The following MACROD2 variants were observed in gnomAD, a reference collection of about 807,000 sequenced individuals.
MACROD2 encodes the protein ADP-ribose glycohydrolase MACROD2.
MACROD2 carries 36 observed loss-of-function variants against 70.4 expected under a neutral mutation model. That is an observed-to-expected ratio of 0.51 (90% CI 0.39 to 0.68). MACROD2 has a LOEUF of 0.68. Among genes scored for constraint, MACROD2 ranks in the 30% least tolerant of loss-of-function variants. The probability of loss-of-function intolerance (pLI) is 0.00; values close to 1 mark genes in which losing one functional copy is unlikely to be tolerated. For missense variants in MACROD2, 496 were observed against 538.4 expected (o/e 0.92, Z 0.78); for synonymous variants, 172 against 178.8 (o/e 0.96, Z 0.30).
At chr20:15,895,403 A>G (rs1022965876) in intron 10 of MACROD2, among the ~76,000 whole-genome samples, 1 of 152,230 alleles carries the variant, frequency 6.6e-6, no homozygotes, top group South Asian at 2.1e-4. Flanking sequence ...GGAATTGTTC[A>G]TTTGTTCCTA....
intron 6 of MACROD2, among the ~76,000 whole-genome samples, chr20:15,402,195 C>T (rs1204335758): frequency 1.3e-5 from 2 of 152,216 alleles, no homozygotes; most frequent in Middle Eastern, 3.4e-3. Flanking sequence ...CTGGGGTTCT[C>T]TTCAATGGGC....
intron 7 of MACROD2, among the ~76,000 whole-genome samples, chr20:15,474,261 G>A (rs1304257608): frequency 3.3e-5 from 5 of 151,996 alleles, no homozygotes; most frequent in Non-Finnish European, 5.9e-5. Context: ...TTTCCAAATT[G>A]TATTTCTATT....
At chr20:15,992,555 G>A (rs1334871475) in intron 15 of MACROD2, among the ~76,000 whole-genome samples, 1 of 152,108 alleles carries the variant, frequency 6.6e-6, no homozygotes, top group Non-Finnish European at 1.5e-5. Context: ...GAATGTTAGG[G>A]TCAATACTTG....
chr20:15,699,709 C>T (rs367628371), intron 8 of MACROD2, among the ~76,000 whole-genome samples: 26 of 152,328 alleles, frequency 1.7e-4, no homozygotes, highest in African/African-American at 6.3e-4. Context: ...TTTAGTTCTT[C>T]CCTCCTCCAC....
chr20:15,229,775 A>G (rs547011342), intron 5 of MACROD2, among the ~76,000 whole-genome samples, 165 bp from the exon 6 acceptor site: 1 of 152,308 alleles, frequency 6.6e-6, no homozygotes, highest in East Asian at 1.9e-4. Flanking sequence ...AGGTTGTGCT[A>G]CTTAAGATCT....
chr20:14,911,347 C>T (rs537081983), intron 5 of MACROD2, among the ~76,000 whole-genome samples: 11 of 152,072 alleles, frequency 7.2e-5, no homozygotes, highest in African/African-American at 2.7e-4. Context: ...TTTTGTATAG[C>T]TATCAATGGC....
At chr20:14,131,731 T>C (rs953233278) in intron 3 of MACROD2, among the ~76,000 whole-genome samples, 2 of 152,118 alleles carry the variant, frequency 1.3e-5, no homozygotes, top group Non-Finnish European at 2.9e-5. Context: ...CTTTTTTAAT[T>C]TAAAAAATTT....
chr20:15,776,285 C>G (rs1182066056), intron 8 of MACROD2, among the ~76,000 whole-genome samples: 2 of 152,108 alleles, frequency 1.3e-5, no homozygotes, highest in African/African-American at 2.4e-5. Context: ...CTTGACACTT[C>G]CCTTACTCCC....
chr20:15,417,872 G>A (rs762267311), intron 6 of MACROD2, among the ~76,000 whole-genome samples: 12 of 152,116 alleles, frequency 7.9e-5, no homozygotes, highest in Non-Finnish European at 8.8e-5. Context: ...CATGTTTAAG[G>A]CTGTTAAGAT....
rs765056877 is a variant in MACROD2, at chr20:15,937,521, C to A, written c.884C>A (p.Ala295Glu). Residue 295 changes from alanine (A) to glutamate (E), a missense_variant, in exon 12 of 18, where the codon GCA becomes GAA. Transcript: ENST00000684519. Reference protein sequence around the residue: ...VTVPGPASEEAVEDCKDEDFA... With the variant: ...VTVPGPASEEEVEDCKDEDFA... ...GTGCCCGGCCCTGCTTCAGAAGAGG[C>A]AGTTGAAGACTGTAAAGATGAAGGT... 3 of 1,613,226 alleles carry A rather than the reference C, an allele frequency of 1.9e-6. No homozygotes were observed. Among genetic ancestry groups the A allele is most frequent in the South Asian group, 1.1e-5 (1 of 91,054 alleles).
intron 3 of MACROD2, among the ~76,000 whole-genome samples, chr20:14,158,582 T>C (rs2055138082): frequency 6.6e-6 from 1 of 152,112 alleles, no homozygotes; most frequent in South Asian, 2.1e-4. Context: ...GATTTTTGTA[T>C]ATGTATGGTA....
At chr20:14,542,915 C>T (rs1244044517) in intron 4 of MACROD2, among the ~76,000 whole-genome samples, 5 of 151,212 alleles carry the variant, frequency 3.3e-5, no homozygotes, top group South Asian at 2.1e-4. Context: ...ACTAAATGTA[C>T]AATTTTACAT....
chr20:14,354,057 G>A (rs1043488459), intron 3 of MACROD2, among the ~76,000 whole-genome samples: 3 of 152,058 alleles, frequency 2.0e-5, no homozygotes, highest in African/African-American at 7.2e-5. Context: ...TAATTGTCAG[G>A]ATTTTTGTTT....
intron 5 of MACROD2, among the ~76,000 whole-genome samples, chr20:15,121,190 G>C (rs539969809): frequency 2.6e-5 from 4 of 152,226 alleles, no homozygotes; most frequent in African/African-American, 9.6e-5. Flanking sequence ...TACAGGATAG[G>C]TAGTGCTTAC....
chr20:14,216,140 T>G (rs2081620834), intron 3 of MACROD2, among the ~76,000 whole-genome samples: 1 of 152,182 alleles, frequency 6.6e-6, no homozygotes, highest in Non-Finnish European at 1.5e-5. Flanking sequence ...TAGTTTCAGG[T>G]CTTAGGTTTA....
intron 8 of MACROD2, among the ~76,000 whole-genome samples, chr20:15,823,012 T>TA (rs953255465): frequency 3.0e-4 from 46 of 152,190 alleles, no homozygotes; most frequent in African/African-American, 1.1e-3. Flanking sequence ...ACTGCTGAGT[T>TA]AAAATCTATT....
chr20:14,148,813 T>C (rs1021021606), intron 3 of MACROD2, among the ~76,000 whole-genome samples: 1 of 152,214 alleles, frequency 6.6e-6, no homozygotes, highest in Non-Finnish European at 1.5e-5. Flanking sequence ...CAAATACTTT[T>C]TGCCTTCTGG....
chr20:15,540,419 A>G (rs1452729054), intron 8 of MACROD2, among the ~76,000 whole-genome samples: 1 of 152,222 alleles, frequency 6.6e-6, no homozygotes, highest in Admixed American at 6.5e-5. Flanking sequence ...AGGAATCAGA[A>G]GAGAAGGAAG....
At chr20:14,989,216 A>G (rs1184889036) in intron 5 of MACROD2, among the ~76,000 whole-genome samples, 1 of 152,342 alleles carries the variant, frequency 6.6e-6, no homozygotes. Context: ...TGGAATAATC[A>G]GTGGATATTC....
Sources: gnomAD v4.1 joint callset for allele counts (sites outside exome capture counted in the v4.1 genomes callset) on GRCh38, gnomAD v4.1.1 for gene constraint, MANE v1.5 for transcripts, NCBI Gene and HGNC (gene_info 2026-07-23, HGNC 2026-07-21) for gene names.